The following LRP5 variants were observed in gnomAD, a reference collection of about 807,000 sequenced individuals.
LRP5 encodes the protein low-density lipoprotein receptor-related protein 5.
Under a neutral mutation model 154.1 loss-of-function variants are expected in LRP5, and 62 were observed. The ratio of observed to expected loss-of-function variants is 0.40; its 90% CI spans 0.33 to 0.50. The LOEUF is 0.50. LRP5 is among the 20% of genes least tolerant of loss of function. The probability of loss-of-function intolerance (pLI) is 0.55; values close to 1 mark genes in which losing one functional copy is unlikely to be tolerated. For synonymous variants in LRP5, 966 were observed against 1,011.5 expected (o/e 0.96, Z 0.85); for missense variants, 1,915 against 2,336.7 (o/e 0.82, Z 3.72).
Position 68,406,731 on chromosome 11 carries a change from C to T in LRP5, c.2009C>T (p.Pro670Leu), listed in dbSNP as rs201207267. The part of the protein sequence containing the change: ...LETNNNDVAI[P>L]LTGVKEASAL... ...ACCAATAACAACGACGTGGCCATCC[C>T]GCTCACGGGCGTCAAGGAGGCCTCA... Residue 670 changes from proline to leucine, a missense_variant, in exon 9 of 23, where the codon CCG (proline) becomes CTG (leucine). Coordinates refer to ENST00000294304, the MANE Select transcript of LRP5 (RefSeq NM_002335.4). The T allele has an allele frequency of 4.7e-5, 76 of 1,614,140 alleles. No individual in the cohort carries two copies. The Middle Eastern group carries it at 6.6e-4, about 14-fold the overall frequency.
Position 68,353,380 on chromosome 11 carries a change from C to A in LRP5, c.489-4270C>A, listed in dbSNP as rs1424430793. Among the ~76,000 whole-genome samples, 1 of 152,152 alleles carries A rather than the reference C, an allele frequency of 6.6e-6. No homozygotes were observed. The highest frequency in any genetic ancestry group is 1.5e-5 in the Non-Finnish European group (1 of 68,024). On this transcript the variant is annotated intron_variant, in intron 2 of 22. Coordinates refer to ENST00000294304, the MANE Select transcript of LRP5 (RefSeq NM_002335.4). The surrounding 1 kb of genome is among the most constrained non-coding windows in gnomAD (Gnocchi z 4.5). ...TCAGATCCAGTGATGCTGATGACGCCAGCCATGGTCCTACCCTGAGGTGCT... is the reference window on the plus strand; with the variant it reads ...TCAGATCCAGTGATGCTGATGACGCAAGCCATGGTCCTACCCTGAGGTGCT...
At chr11:68,379,960 C>T (rs575455439) in intron 5 of LRP5, among the ~76,000 whole-genome samples, 22 of 152,294 alleles carry the variant, frequency 1.4e-4, no homozygotes, top group Admixed American at 2.6e-4. Context: ...GGTGAAACCC[C>T]GTCTCTACTA....
At chr11:68,363,518 G>A (rs181333858) in intron 3 of LRP5, among the ~76,000 whole-genome samples, 34 of 152,058 alleles carry the variant, frequency 2.2e-4, no homozygotes, top group African/African-American at 8.0e-4. Context: ...TCATCTGGGC[G>A]TAGTGGTGGG....
intron 10 of LRP5, among the ~76,000 whole-genome samples, chr11:68,410,713 G>A (rs528590848): frequency 6.8e-4 from 103 of 152,276 alleles, no homozygotes; most frequent in Non-Finnish European, 4.9e-4. Context: ...CCTTGGGCAC[G>A]GGGTTCAGAC....
intron 1 of LRP5, among the ~76,000 whole-genome samples, chr11:68,342,856 A>G (rs1231041103): frequency 6.6e-6 from 1 of 152,226 alleles, no homozygotes; most frequent in African/African-American, 2.4e-5. Context: ...TGGTCTTTCC[A>G]GTTTGGGGAG....
At chr11:68,376,588 C>T (rs1565357139) in intron 5 of LRP5, among the ~76,000 whole-genome samples, 1 of 152,202 alleles carries the variant, frequency 6.6e-6, no homozygotes, top group Non-Finnish European at 1.5e-5. Context: ...CTGGCCGGCC[C>T]CCAAGGCCTT....
intron 1 of LRP5, among the ~76,000 whole-genome samples, chr11:68,339,945 T>C (rs2098607961): frequency 6.6e-6 from 1 of 152,112 alleles, no homozygotes; most frequent in African/African-American, 2.4e-5. Context: ...GAGGTGTCTT[T>C]AAAAGCAGTT....
intron 5 of LRP5, among the ~76,000 whole-genome samples, chr11:68,371,717 C>T (rs2098634109): frequency 6.6e-6 from 1 of 152,242 alleles, no homozygotes; most frequent in African/African-American, 2.4e-5. Context: ...CACCCAGGGG[C>T]AACGTGAAGA....
intron 7 of LRP5, among the ~76,000 whole-genome samples, chr11:68,399,692 A>G (rs1276778555): frequency 1.3e-5 from 2 of 152,178 alleles, no homozygotes; most frequent in Non-Finnish European, 2.9e-5. Flanking sequence ...GGCTCGGCTC[A>G]GGCATTCTTG....
At chr11:68,330,979 T>C (rs1215958929) in intron 1 of LRP5, among the ~76,000 whole-genome samples, 1 of 152,250 alleles carries the variant, frequency 6.6e-6, no homozygotes, top group Admixed American at 6.5e-5. Context: ...CACTTCTGCC[T>C]CTAGGCCAGT....
chr11:68,421,036 C>G (rs988649018), intron 13 of LRP5, among the ~76,000 whole-genome samples: 4 of 152,136 alleles, frequency 2.6e-5, no homozygotes, highest in African/African-American at 9.7e-5. Context: ...ACCATCCTGG[C>G]CAACATGGTG....
chr11:68,351,559 T>A (rs2098618563), intron 2 of LRP5, among the ~76,000 whole-genome samples: 1 of 152,132 alleles, frequency 6.6e-6, no homozygotes, highest in Non-Finnish European at 1.5e-5. Context: ...ATGGCCATCG[T>A]GTCGCCAGGA....
intron 1 of LRP5, among the ~76,000 whole-genome samples, chr11:68,340,371 C>T (rs1483581175): frequency 2.0e-5 from 3 of 152,212 alleles, no homozygotes; most frequent in Non-Finnish European, 2.9e-5. Flanking sequence ...GCTTTGAATC[C>T]AGGCAACTGA....
intron 5 of LRP5, among the ~76,000 whole-genome samples, chr11:68,374,979 A>G (rs1258092902): frequency 6.6e-6 from 1 of 152,186 alleles, no homozygotes; most frequent in African/African-American, 2.4e-5. Context: ...AGCCTCTTCC[A>G]TGTCCCCCTT....
chr11:68,362,707 A>G (rs2098628761), intron 3 of LRP5, among the ~76,000 whole-genome samples: 1 of 151,922 alleles, frequency 6.6e-6, no homozygotes, highest in African/African-American at 2.4e-5. Flanking sequence ...AAAAAAAAAA[A>G]GTAAACGTAT....
chr11:68,376,244 C>G (rs1212369723), intron 5 of LRP5, among the ~76,000 whole-genome samples: 2 of 148,248 alleles, frequency 1.3e-5, no homozygotes, highest in Middle Eastern at 3.3e-3. Flanking sequence ...TGCAATGGCG[C>G]GATCTCCGCT....
rs766210958 is a variant in LRP5, at chr11:68,357,642, C to T, written c.489-8C>T. ...TTAGCTGCTTCTCTTGCCCTGCCCC[C>T]GTCACAGGTACATGTACTGGACAGA... On this transcript the variant is annotated splice_polypyrimidine_tract_variant and splice_region_variant and intron_variant, in intron 2 of 22. Transcript: ENST00000294304. 12 of 1,613,128 alleles carry T rather than the reference C, an allele frequency of 7.4e-6. No individual in the cohort carries two copies. Among genetic ancestry groups the T allele is most frequent in the Middle Eastern group, 1.6e-4 (1 of 6,082 alleles).
chr11:68,358,958 T>C (rs2098625471), intron 3 of LRP5, among the ~76,000 whole-genome samples: 1 of 152,158 alleles, frequency 6.6e-6, no homozygotes, highest in African/African-American at 2.4e-5. Flanking sequence ...AGTGACTGCA[T>C]GGGAGGACTC....
At chr11:68,441,170 C>T (rs1382355633) in intron 21 of LRP5, among the ~76,000 whole-genome samples, 1 of 152,118 alleles carries the variant, frequency 6.6e-6, no homozygotes, top group Non-Finnish European at 1.5e-5. Context: ...CCTCTACCTT[C>T]TAGGCTCAAG....
Sources: gnomAD v4.1 joint callset for allele counts (sites outside exome capture counted in the v4.1 genomes callset) on GRCh38, gnomAD v4.1.1 for gene constraint, Gnocchi (gnomAD v3.1) non-coding constraint, MANE v1.5 for transcripts, NCBI Gene and HGNC (gene_info 2026-07-23, HGNC 2026-07-21) for gene names.